PARP1: variants seen among roughly 807,000 people sequenced by gnomAD.
PARP1 encodes the protein poly [ADP-ribose] polymerase 1.
A neutral mutation model predicts 118.7 loss-of-function variants in PARP1; 44 were observed. The ratio of observed to expected loss-of-function variants is 0.37; its 90% CI spans 0.29 to 0.48. The LOEUF is 0.48. PARP1 is among the 20% of genes least tolerant of loss of function. PARP1 has a pLI of 0.99. For synonymous variants in PARP1, 492 were observed against 483.2 expected, an observed-to-expected ratio of 1.02 and a Z score of -0.24; for missense variants, 1,100 against 1,272.4, an observed-to-expected ratio of 0.86 and a Z score of 2.06.
rs13306125 is a variant in PARP1, at chr1:226,390,505, G to A, written c.522C>T (p.Pro174=). The change falls in exon 4 of 23, where the codon CCC becomes CCT. Residue 174 remains proline (P), a synonymous_variant. Transcript: ENST00000366794. ...CCTTGAGCTGACTCGCACTGTACTC[G>A]GGCCGGAAACCCAGCTCCTCCCTGT... ...VKNREELGFR[P]EYSASQLKGF... 12 of 1,613,988 alleles carry A rather than the reference G, an allele frequency of 7.4e-6. No individual in the cohort carries two copies. The highest frequency in any genetic ancestry group is 3.3e-5 in the South Asian group (3 of 91,078).
chr1:226,370,359 C>T, intron 15 of PARP1, 75 bp downstream of exon 15: 3 of 1,049,266 alleles, frequency 2.9e-6, no homozygotes, highest in Admixed American at 1.7e-5. Context: ...AATGTTACCC[C>T]TGCCACCCCC....
At chr1:226,375,063 T>A (rs1231269880) in intron 13 of PARP1, among the ~76,000 whole-genome samples, 1 of 152,212 alleles carries the variant, frequency 6.6e-6, no homozygotes, top group Admixed American at 6.5e-5. Context: ...CAGCACAGTG[T>A]CCCTAGCAAC....
intron 2 of PARP1, among the ~76,000 whole-genome samples, chr1:226,397,463 G>C (rs200277048): frequency 8.6e-6 from 1 of 115,654 alleles, no homozygotes; most frequent in African/African-American, 4.1e-5. Context: ...ACCAGCTGCT[G>C]CAAGGGCAGA....
In PARP1 at chr1:226,408,045, C is replaced by T; in HGVS notation, c.-116G>A. ...CCGCAGGCGCCTGAGCGGCCAGAGC[C>T]GCCACCGAACACGCCGCACCGGCCA... On this transcript the variant is annotated 5_prime_UTR_variant, in exon 1 of 23. Transcript: ENST00000366794. The T allele has an allele frequency of 6.8e-7, 1 of 1,462,374 alleles. No homozygotes were observed. The highest frequency in any genetic ancestry group is 9.4e-7 in the Non-Finnish European group (1 of 1,065,484). The allele number at this position is 1,462,374 out of a possible 1,614,324, so 90.6% of individuals were successfully genotyped here.
At chr1:226,382,297 C>G (rs1186479586) in intron 8 of PARP1, among the ~76,000 whole-genome samples, 1 of 152,176 alleles carries the variant, frequency 6.6e-6, no homozygotes, top group Non-Finnish European at 1.5e-5. Flanking sequence ...GCATTTCTCA[C>G]TAGTGCTGAT....
At chr1:226,403,562 G>T (rs933779991) in intron 1 of PARP1, among the ~76,000 whole-genome samples, 2 of 152,222 alleles carry the variant, frequency 1.3e-5, no homozygotes, top group African/African-American at 4.8e-5. Context: ...CCTTTCATAA[G>T]CCATCCTGTG....
At chr1:226,388,887 T>TA in intron 4 of PARP1, 132 bp from the exon 5 acceptor site, 1 of 765,514 alleles carries the variant, frequency 1.3e-6, no homozygotes, top group East Asian at 2.5e-5. Context: ...TGTCACTCCC[T>TA]AACCCCTGCC....
chr1:226,371,014 AC>A, intron 14 of PARP1: 1 of 185,414 alleles, frequency 5.4e-6, no homozygotes, highest in Non-Finnish European at 1.2e-5. Flanking sequence ...TTATGGACTT[AC>A]ATTCAAATCA....
rs1291155570 is a variant in PARP1, at chr1:226,383,050, G to A, written c.1145C>T (p.Ser382Phe). 2.5e-6 allele frequency: 4 copies of A among 1,612,850 alleles called. No individual in the cohort carries two copies. The highest frequency in any genetic ancestry group is 2.2e-5 in the South Asian group (2 of 91,022). Residue 382 changes from serine to phenylalanine, a missense_variant, in exon 8 of 23, where the codon TCC (serine) becomes TTC (phenylalanine). By Grantham distance (155) the Ser-to-Phe change is radical. Transcript: ENST00000366794. ...AAATGCTGTACCTGCTGAAGCAGAG[G>A]AGTTCACAGCAGCAGGAGCCGAGGC... is the stretch of plus-strand genomic sequence containing the variant. The part of the protein sequence containing the change: ...STASAPAAVN[S>F]SASADKPLSN...
rs1665183865 is a variant in PARP1, at chr1:226,407,841, T to C, written c.89A>G (p.Lys30Arg). The part of the protein sequence containing the change: ...SCKKCSESIP[K>R]DSLRMAIMVQ... The stretch of plus-strand genomic sequence containing the variant: ...CATGATGGCCATCCGGAGCGAGTCC[T>C]TGGGGATGCTCTCGCTGCATTTCTT... The change falls in exon 1 of 23, where the codon AAG (lysine) becomes AGG (arginine). Residue 30 changes from lysine (K) to arginine (R), a missense_variant. Physicochemically the swap from Lys to Arg is conservative, Grantham distance 26 (BLOSUM62 2). Transcript: ENST00000366794. 6.3e-7 allele frequency: 1 copy of C among 1,596,300 alleles called. No individual in the cohort carries two copies. Among genetic ancestry groups the C allele is most frequent in the Admixed American group, 1.8e-5 (1 of 57,014 alleles).
intron 22 of PARP1, 74 bp from the exon 23 acceptor site, chr1:226,361,615 C>T: frequency 1.8e-6 from 2 of 1,094,668 alleles, no homozygotes; most frequent in Non-Finnish European, 2.8e-6. Context: ...CTCCCCCAGG[C>T]TGGCAGGACG....
rs1307889846 is a variant in PARP1 at position 226,379,886 on chromosome 1, CT to C, written c.1543+35del. On this transcript the variant is annotated intron_variant, in intron 10 of 22. Transcript: ENST00000366794. ...ACAACCTGGCCACCAATGTCCCTGG[CT>C]TTTGGCCCTGGAGGGGGCAGCTTGG... 4 of 1,612,534 alleles carry C rather than the reference CT, an allele frequency of 2.5e-6. No individual in the cohort carries two copies. In the East Asian group the frequency reaches 8.9e-5, roughly 36 times the overall value.
chr1:226,371,893 T>C (rs1055639985), intron 14 of PARP1, among the ~76,000 whole-genome samples: 1 of 152,178 alleles, frequency 6.6e-6, no homozygotes, highest in Non-Finnish European at 1.5e-5. Flanking sequence ...GTGGGCTCCA[T>C]CCACACAGGC....
intron 15 of PARP1, among the ~76,000 whole-genome samples, chr1:226,369,351 G>A (rs983460867): frequency 5.9e-5 from 9 of 152,230 alleles, no homozygotes; most frequent in South Asian, 4.1e-4. Context: ...AAATATAAGC[G>A]GAACCCTCCA....
chr1:226,385,825 TA>T, intron 6 of PARP1, 145 bp from the exon 7 acceptor site: 1 of 761,502 alleles, frequency 1.3e-6, no homozygotes, highest in Non-Finnish European at 2.3e-6. Context: ...ATGGGGCTCT[TA>T]ACACCCCACC....
At position 226,396,937 on chromosome 1, in the gene PARP1, T is replaced by C. The variant is rs375726985; in HGVS notation, c.287-4623A>G. The stretch of plus-strand genomic sequence containing the variant: ...AAATTATAACTAGATATAACATATC[T>C]ATGCCCCTAAACCTACAACTTCCCC... On this transcript the variant is annotated intron_variant, in intron 2 of 22. Coordinates refer to ENST00000366794, the MANE Select transcript of PARP1 (RefSeq NM_001618.4). Among the ~76,000 whole-genome samples the C allele has an allele frequency of 2.0e-5, 3 of 152,012 alleles. No individual in the cohort carries two copies. In the East Asian group the frequency reaches 5.8e-4, roughly 29 times the overall value.
intron 2 of PARP1, chr1:226,392,786 C>A (rs1349801430): frequency 3.3e-5 from 22 of 659,344 alleles, no homozygotes; most frequent in African/African-American, 1.9e-5. Context: ...CTAAAGGTAT[C>A]ATTTCAAATT....
At position 226,392,268 on chromosome 1, in the gene PARP1, A is replaced by T; in HGVS notation, c.333T>A (p.Gly111=). The T allele has an allele frequency of 6.2e-7, 1 of 1,614,138 alleles. No homozygotes were observed. ...ACTTGGCATACTCTGCTGCAAAGTC[A>T]CCCAGAGTCTTCTCTGCCTTGCTAC... is the stretch of plus-strand genomic sequence containing the variant. ...GIGSKAEKTL[G]DFAAEYAKSN... Residue 111 remains glycine, a synonymous_variant, in exon 3 of 23, where the codon GGT becomes GGA. Transcript: ENST00000366794.
At position 226,383,085 on chromosome 1, in the gene PARP1, C is replaced by T. The variant is rs761028556; in HGVS notation, c.1110G>A (p.Pro370=). ...CAGCAGGAGCCGAGGCTGTGGAGGG[C>T]GGAGGCGTGGCCGCCACGGAGGCGC... is the stretch of plus-strand genomic sequence containing the variant. ...ETSASVAATP[P]PSTASAPAAV... Residue 370 remains proline (P), a synonymous_variant, in exon 8 of 23, where the codon CCG becomes CCA. Coordinates refer to ENST00000366794, the MANE Select transcript of PARP1 (RefSeq NM_001618.4). 29 of 1,612,846 alleles carry T rather than the reference C, an allele frequency of 1.8e-5. No individual in the cohort carries two copies. Among genetic ancestry groups the T allele is most frequent in the Middle Eastern group, 2.0e-4 (1 of 5,088 alleles).
Sources: gnomAD v4.1 joint callset for allele counts (sites outside exome capture counted in the v4.1 genomes callset) on GRCh38, gnomAD v4.1.1 for gene constraint, MANE v1.5 for transcripts, NCBI Gene and HGNC (gene_info 2026-07-23, HGNC 2026-07-21) for gene names.